The following SLC28A1 variants were observed in gnomAD, a reference collection of about 807,000 sequenced individuals.
The protein encoded by SLC28A1 is solute carrier family 28 member 1.
Under a neutral mutation model 74.8 loss-of-function variants are expected in SLC28A1, and 64 were observed. The observed-to-expected ratio is 0.86, with a 90% CI of 0.70 to 1.05. The LOEUF is 1.05. Among genes scored for constraint, SLC28A1 ranks in the 50% least tolerant of loss-of-function variants. The pLI is 0.00. For synonymous variants in SLC28A1, 359 were observed against 335.0 expected, an observed-to-expected ratio of 1.07 and a Z score of -0.78; for missense variants, 828 against 822.8, an observed-to-expected ratio of 1.01 and a Z score of -0.08.
At position 84,886,780 on chromosome 15, in the gene SLC28A1, G is replaced by A. The variant is rs900682418; in HGVS notation, c.-24G>A. 2 of 985,058 alleles carry A rather than the reference G, an allele frequency of 2.0e-6. No individual in the cohort carries two copies. The highest frequency in any genetic ancestry group is 2.4e-6 in the Non-Finnish European group (2 of 829,574). The allele number at this position is 985,058 out of a possible 1,614,324, so 61.0% of individuals were successfully genotyped here. On this transcript the variant is annotated 5_prime_UTR_variant, in exon 2 of 19. Transcript: ENST00000394573. ...TCTCTCTGAGAGCGACCTGTTAACC[G>A]CAAATACGTGAGTAGAAACAGGGCC... is the stretch of plus-strand genomic sequence containing the variant.
At chr15:84,918,285 C>T (rs914379866) in intron 9 of SLC28A1, among the ~76,000 whole-genome samples, 1 of 152,122 alleles carries the variant, frequency 6.6e-6, no homozygotes, top group Non-Finnish European at 1.5e-5. Context: ...AGGGGGTGGT[C>T]TGGCGGCTGG....
intron 1 of SLC28A1, among the ~76,000 whole-genome samples, chr15:84,885,904 A>G (rs905554923): frequency 1.3e-5 from 2 of 152,186 alleles, no homozygotes; most frequent in Non-Finnish European, 2.9e-5. Context: ...TGAAGAAAAA[A>G]TGTTTTCAAA....
intron 6 of SLC28A1, chr15:84,896,025 C>T (rs1339081060): frequency 2.5e-5 from 20 of 815,782 alleles, no homozygotes; most frequent in Non-Finnish European, 3.0e-5. Context: ...TTATTAAATA[C>T]ATTTGTGATT....
intron 6 of SLC28A1, among the ~76,000 whole-genome samples, chr15:84,897,784 C>T (rs1211303273): frequency 6.6e-6 from 1 of 152,218 alleles, no homozygotes; most frequent in Non-Finnish European, 1.5e-5. Flanking sequence ...GTCATCCCGC[C>T]TCCCTCCTCC....
intron 15 of SLC28A1, among the ~76,000 whole-genome samples, chr15:84,941,538 C>G (rs1220470506): frequency 6.6e-6 from 1 of 151,838 alleles, no homozygotes; most frequent in African/African-American, 2.4e-5. Flanking sequence ...AGATTTTATA[C>G]CAAATATTTT....
rs370352848 is a variant in SLC28A1, at chr15:84,935,371, G to C, written c.1434G>C (p.Ala478=). 2 of 1,614,236 alleles carry C rather than the reference G, an allele frequency of 1.2e-6. No homozygotes were observed. The highest frequency in any genetic ancestry group is 8.5e-7 in the Non-Finnish European group (1 of 1,180,038). Residue 478 remains alanine, a synonymous_variant, in exon 15 of 19, where the codon GCG becomes GCC. Coordinates refer to ENST00000394573, the MANE Select transcript of SLC28A1 (RefSeq NM_004213.5). ...CTGTAGCCTTCTTGATGGGTGTGGCGTGGGAGGACTGCCCAGTGGTAGCTG... is the reference window on the plus strand; with the variant it reads ...CTGTAGCCTTCTTGATGGGTGTGGCCTGGGAGGACTGCCCAGTGGTAGCTG... ...LRPVAFLMGV[A]WEDCPVVAEL...
At chr15:84,906,258 G>A (rs111680623) in intron 8 of SLC28A1, among the ~76,000 whole-genome samples, 9 of 152,066 alleles carry the variant, frequency 5.9e-5, no homozygotes, top group Admixed American at 3.3e-4. Context: ...GACCTCAGAC[G>A]ATTCGCTTGC....
chr15:84,906,263 G>A (rs573319046), intron 8 of SLC28A1, among the ~76,000 whole-genome samples: 2 of 151,684 alleles, frequency 1.3e-5, no homozygotes, highest in South Asian at 4.2e-4. Context: ...CAGACGATTC[G>A]CTTGCCTCGG....
intron 6 of SLC28A1, among the ~76,000 whole-genome samples, chr15:84,901,667 T>A (rs535530236): frequency 1.3e-5 from 2 of 152,352 alleles, no homozygotes; most frequent in South Asian, 4.1e-4. Context: ...AAAGAGATAT[T>A]ACCATATGCT....
downstream of SLC28A1, among the ~76,000 whole-genome samples, chr15:84,950,664 C>G (rs1289607786): frequency 6.6e-6 from 1 of 152,038 alleles, no homozygotes; most frequent in Non-Finnish European, 1.5e-5. Context: ...CTGATAGCAC[C>G]ACTGCACTCC....
At chr15:84,893,989 A>G (rs1965657609) in intron 5 of SLC28A1, among the ~76,000 whole-genome samples, 1 of 152,098 alleles carries the variant, frequency 6.6e-6, no homozygotes, top group Non-Finnish European at 1.5e-5. Context: ...GGTAGAACTT[A>G]CCTTTATTCG....
intron 9 of SLC28A1, among the ~76,000 whole-genome samples, chr15:84,915,152 C>A (rs145557002): frequency 5.8e-4 from 89 of 152,258 alleles, no homozygotes; most frequent in African/African-American, 2.1e-3. Flanking sequence ...GTCATCCTAC[C>A]CGTGCTGGAG....
chr15:84,935,684 T>C (rs1416856475), intron 15 of SLC28A1, among the ~76,000 whole-genome samples, 166 bp downstream of exon 15: 2 of 152,346 alleles, frequency 1.3e-5, no homozygotes, highest in East Asian at 3.9e-4. Flanking sequence ...AGCTTCAGGC[T>C]TCGCTGCCAT....
Position 84,920,463 on chromosome 15 carries a change from A to AAAGGAAAGGGG in SLC28A1, c.877-522_877-521insAAAGGGGAAGG, listed in dbSNP as rs1555451244. ...TCTGTCTTGGAAAGGAAAGGAAAGG[A>AAAGGAAAGGGG]AAGGGGAAGGGGAAGGGGAAGGGGA... On this transcript the variant is annotated intron_variant, in intron 10 of 18. Coordinates refer to ENST00000394573, the MANE Select transcript of SLC28A1 (RefSeq NM_004213.5). Among the ~76,000 whole-genome samples, 225 of 141,630 alleles carry AAAGGAAAGGGG rather than the reference A, an allele frequency of 1.6e-3. 1 individual carries two copies. Among genetic ancestry groups the AAAGGAAAGGGG allele is most frequent in the Admixed American group, 0.012 (166 of 13,630 alleles). The allele number at this position is 141,630 out of a possible 152,430, so 92.9% of individuals were successfully genotyped here. A position where few individuals can be genotyped will look rare whatever the true frequency, so the allele number is the denominator to read the frequency against.
intron 15 of SLC28A1, 51 bp from the exon 16 acceptor site, chr15:84,943,394 C>T: frequency 7.3e-7 from 1 of 1,361,132 alleles, no homozygotes; most frequent in Non-Finnish European, 1.1e-6. Context: ...ATAGGGGTGC[C>T]CCAGGCCCAT....
chr15:84,902,156 C>CT (rs1415855259), intron 6 of SLC28A1, among the ~76,000 whole-genome samples: 2 of 152,124 alleles, frequency 1.3e-5, no homozygotes, highest in African/African-American at 4.8e-5. Context: ...TCTTTCTTTT[C>CT]TTTTTTAAAA....
intron 15 of SLC28A1, chr15:84,939,472 T>G (rs1484596194): frequency 1.3e-5 from 2 of 152,222 alleles, no homozygotes; most frequent in Non-Finnish European, 2.9e-5. Flanking sequence ...TGCAGGTACC[T>G]TCATATTTTT....
intron 11 of SLC28A1, among the ~76,000 whole-genome samples, chr15:84,923,723 A>G (rs754206651): frequency 6.6e-6 from 1 of 152,102 alleles, no homozygotes; most frequent in African/African-American, 2.4e-5. Flanking sequence ...AACAAAGGTG[A>G]CGTGCTTAGC....
At chr15:84,930,405 C>T (rs1254766256) in intron 12 of SLC28A1, among the ~76,000 whole-genome samples, 2 of 152,110 alleles carry the variant, frequency 1.3e-5, no homozygotes, top group East Asian at 3.9e-4. Context: ...CACACAGGGC[C>T]CTGGGGAGGT....
Sources: gnomAD v4.1 joint callset for allele counts (sites outside exome capture counted in the v4.1 genomes callset) on GRCh38, gnomAD v4.1.1 for gene constraint, MANE v1.5 for transcripts, NCBI Gene and HGNC (gene_info 2026-07-23, HGNC 2026-07-21) for gene names.